Variants in PCDH15 observed in about 807,000 individuals in gnomAD.
PCDH15 encodes protocadherin related 15, also known as protocadherin-15.
Under a neutral mutation model 178.5 loss-of-function variants are expected in PCDH15, and 129 were observed. That is an observed-to-expected ratio of 0.72 (90% CI 0.63 to 0.84). The LOEUF is 0.84. Ranked by LOEUF, PCDH15 falls within the 40% of genes least tolerant of loss-of-function variation. The pLI is 0.00. For missense variants in PCDH15, 2,230 were observed against 2,099.9 expected, an observed-to-expected ratio of 1.06 and a Z score of -1.21; for synonymous variants, 800 against 732.0, an observed-to-expected ratio of 1.09 and a Z score of -1.50.
rs1196841628 is a variant in PCDH15 at position 54,169,209 on chromosome 10, G to A, written c.1590+14235C>T. Among the ~76,000 whole-genome samples, 522 of 117,458 alleles carry A rather than the reference G, an allele frequency of 4.4e-3. 7 individuals are homozygous for A. The highest frequency in any genetic ancestry group is 0.017 in the African/African-American group (493 of 29,490). The allele number at this position is 117,458 out of a possible 152,430, so 77.1% of individuals were successfully genotyped here. ...GACTGACTCCTTCCCAGATCTTCTC[G>A]GCTTAGCGGCTGAAGACTGACACTG... On this transcript the variant is annotated intron_variant, in intron 13 of 37. Coordinates refer to ENST00000644397, the MANE Select transcript of PCDH15 (RefSeq NM_001384140.1).
intron 21 of PCDH15, among the ~76,000 whole-genome samples, chr10:53,974,488 T>A (rs994113259): frequency 3.1e-4 from 47 of 152,102 alleles, no homozygotes; most frequent in South Asian, 8.3e-4. Flanking sequence ...AAATTAAAAA[T>A]TTTATAAACT....
chr10:55,212,730 T>A (rs1347422336), intron 1 of PCDH15, among the ~76,000 whole-genome samples: 1 of 152,044 alleles, frequency 6.6e-6, no homozygotes, highest in Non-Finnish European at 1.5e-5. Context: ...CAGAGTAGCA[T>A]AAGCCTGAAG....
chr10:54,344,873 T>TA (rs1208452052), intron 6 of PCDH15, among the ~76,000 whole-genome samples: 2 of 29,782 alleles, frequency 6.7e-5, no homozygotes, highest in Admixed American at 8.3e-4. Flanking sequence ...TGTCTCTGCC[T>TA]AAAAAAAAGT....
chr10:54,655,304 CAGAG>C (rs1213808096), intron 2 of PCDH15, among the ~76,000 whole-genome samples: 158 of 80,662 alleles, frequency 2.0e-3, no homozygotes, highest in African/African-American at 6.9e-3. Context: ...GAGAGAGAGA[CAGAG>C]AGAGAGACAG....
Position 53,943,154 on chromosome 10 carries a change from G to A in PCDH15, c.3123-2179C>T, listed in dbSNP as rs987272687. ...TATTCCTTATACAGTATGGAAACAA[G>A]ACGTCTGCAACTTATGCACCTTTAG... On this transcript the variant is annotated intron_variant, in intron 23 of 37. Coordinates refer to ENST00000644397, the MANE Select transcript of PCDH15 (RefSeq NM_001384140.1). Among the ~76,000 whole-genome samples the A allele has an allele frequency of 2.0e-5, 3 of 151,990 alleles. No homozygotes were observed. In the South Asian group the frequency reaches 6.2e-4, roughly 32 times the overall value.
chr10:54,105,781 T>C (rs2094907312), intron 15 of PCDH15, among the ~76,000 whole-genome samples: 1 of 152,068 alleles, frequency 6.6e-6, no homozygotes, highest in South Asian at 2.1e-4. Flanking sequence ...GCAATTCCAT[T>C]CTTAGGTTTC....
intron 2 of PCDH15, among the ~76,000 whole-genome samples, chr10:55,490,602 A>G (rs1840389870): frequency 6.6e-6 from 1 of 151,800 alleles, no homozygotes; most frequent in African/African-American, 2.4e-5. Context: ...AGGCTACTCT[A>G]GACTTTACTT....
intron 2 of PCDH15, among the ~76,000 whole-genome samples, chr10:55,492,446 C>T (rs973234444): frequency 6.6e-5 from 10 of 151,438 alleles, no homozygotes; most frequent in Admixed American, 1.3e-4. Flanking sequence ...GCTAAAAGAC[C>T]GTAAAAAGGG....
chr10:55,297,774 G>A (rs1448834775), intron 1 of PCDH15, among the ~76,000 whole-genome samples: 1 of 152,048 alleles, frequency 6.6e-6, no homozygotes, highest in Non-Finnish European at 1.5e-5. Context: ...GGGCATGACT[G>A]AGAAAAGAAT....
intron 2 of PCDH15, among the ~76,000 whole-genome samples, chr10:55,084,534 A>T (rs143821209): frequency 2.0e-5 from 3 of 151,916 alleles, no homozygotes; most frequent in African/African-American, 7.2e-5. Flanking sequence ...ATTTTGAGTA[A>T]TATTCCATAA....
chr10:55,092,218 C>T (rs1383941484), intron 2 of PCDH15, among the ~76,000 whole-genome samples: 1 of 151,774 alleles, frequency 6.6e-6, no homozygotes, highest in Non-Finnish European at 1.5e-5. Context: ...AATCAGATAA[C>T]CTTCCCTCTA....
intron 23 of PCDH15, among the ~76,000 whole-genome samples, chr10:53,943,751 A>C (rs2086282561): frequency 6.6e-6 from 1 of 152,114 alleles, no homozygotes; most frequent in South Asian, 2.1e-4. Context: ...CCTTTGTCTT[A>C]ATTGTTCCAG....
rs1952963369 is a variant in PCDH15, at chr10:54,817,345, T to TA, written c.-29+80104_-29+80105insT. Among the ~76,000 whole-genome samples the TA allele has an allele frequency of 7.9e-5, 12 of 152,024 alleles. No individual in the cohort carries two copies. In the South Asian group the frequency reaches 2.5e-3, roughly 32 times the overall value. On this transcript the variant is annotated intron_variant, in intron 3 of 5. Transcript: ENST00000458638. Reference sequence around the variant, plus strand: ...ATATGTTATTTTAGAAATGAGGAAATTAAGGTTGAATTATTCTAAGTTAAT... The same window carrying TA: ...ATATGTTATTTTAGAAATGAGGAAATATAAGGTTGAATTATTCTAAGTTAAT...
intron 29 of PCDH15, 40 bp from the exon 30 acceptor site, chr10:53,831,573 A>G: frequency 7.3e-7 from 1 of 1,377,260 alleles, no homozygotes; most frequent in South Asian, 1.2e-5. Context: ...TGATGCTAGC[A>G]GAGAAAGAGC....
intron 1 of PCDH15, among the ~76,000 whole-genome samples, chr10:55,230,717 A>G (rs368545129): frequency 2.0e-5 from 3 of 152,074 alleles, no homozygotes; most frequent in Admixed American, 1.3e-4. Flanking sequence ...ATCTTTACAG[A>G]TAAGTAGAAA....
intron 23 of PCDH15, among the ~76,000 whole-genome samples, chr10:53,943,562 G>A (rs1233119066): frequency 2.0e-5 from 3 of 151,842 alleles, no homozygotes; most frequent in Non-Finnish European, 4.4e-5. Context: ...AAAAATGCAC[G>A]TGTACATTTT....
At chr10:54,532,669 T>C (rs1271530032) in intron 2 of PCDH15, among the ~76,000 whole-genome samples, 1 of 152,196 alleles carries the variant, frequency 6.6e-6, no homozygotes, top group African/African-American at 2.4e-5. Context: ...ATTCCCTTTT[T>C]TCTTTTTAAT....
chr10:54,450,130 A>AATATATATATATATATATAT (rs10526141), intron 3 of PCDH15, among the ~76,000 whole-genome samples: 84 of 137,204 alleles, frequency 6.1e-4, no homozygotes, highest in African/African-American at 8.9e-4. Context: ...CTTTTTTATA[A>AATATATATATATATATATAT]ATATATATAT....
At position 54,125,859 on chromosome 10, in the gene PCDH15, A is replaced by G. The variant is rs980182421; in HGVS notation, c.1917+7016T>C. Among the ~76,000 whole-genome samples the G allele has an allele frequency of 3.3e-5, 5 of 152,086 alleles. No homozygotes were observed. The East Asian group carries it at 9.6e-4, about 29-fold the overall frequency. On this transcript the variant is annotated intron_variant, in intron 15 of 37. Transcript: ENST00000644397. ...TCCAAAGTGTCAGTTTGTTCTTTAA[A>G]TTGCAATTGACCCTTTTTTCTCAAT...
Sources: allele counts gnomAD v4.1 joint callset (sites outside exome capture counted in the v4.1 genomes callset), GRCh38; gene constraint gnomAD v4.1.1; transcripts MANE v1.5; gene names NCBI Gene and HGNC (gene_info 2026-07-23, HGNC 2026-07-21).